Variants in BIRC6 observed in about 807,000 individuals in gnomAD.
The protein encoded by BIRC6 is baculoviral IAP repeat containing 6.
BIRC6 carries 98 observed loss-of-function variants against 503.3 expected under a neutral mutation model. The observed-to-expected ratio is 0.19, with a 90% CI of 0.17 to 0.23. BIRC6 has a LOEUF of 0.23. Ranked by LOEUF, BIRC6 falls within the 10% of genes least tolerant of loss-of-function variation. The pLI, the probability that BIRC6 is intolerant of heterozygous loss-of-function variation, is 1.00. For synonymous variants in BIRC6, 2,240 were observed against 2,078.7 expected, an observed-to-expected ratio of 1.08 and a Z score of -2.11; for missense variants, 5,360 against 5,806.0, an observed-to-expected ratio of 0.92 and a Z score of 2.50.
chr2:32,492,007 T>A (rs907563560), intron 44 of BIRC6, among the ~76,000 whole-genome samples: 1 of 152,182 alleles, frequency 6.6e-6, no homozygotes, highest in Non-Finnish European at 1.5e-5. Context: ...ATTTTCTGTT[T>A]CACTGTAAAT....
intron 43 of BIRC6, among the ~76,000 whole-genome samples, chr2:32,490,470 G>A (rs2051557974): frequency 6.6e-6 from 1 of 152,166 alleles, no homozygotes; most frequent in African/African-American, 2.4e-5. Flanking sequence ...GGAAGGCGAA[G>A]TTTGCAGTGA....
chr2:32,576,337 G>A (rs2060262552), intron 66 of BIRC6, among the ~76,000 whole-genome samples: 1 of 152,196 alleles, frequency 6.6e-6, no homozygotes, highest in Admixed American at 6.5e-5. Flanking sequence ...CAGAGGATGA[G>A]TTCTGTCAAA....
chr2:32,492,287 G>A (rs1211976573), intron 44 of BIRC6, among the ~76,000 whole-genome samples: 1 of 151,930 alleles, frequency 6.6e-6, no homozygotes, highest in African/African-American at 2.4e-5. Flanking sequence ...GCTTGTTCTA[G>A]GTACTAGACA....
chr2:32,599,612 TG>T, intron 69 of BIRC6, 126 bp from the exon 70 acceptor site: 2 of 913,594 alleles, frequency 2.2e-6, no homozygotes. Flanking sequence ...CACTCCAGCC[TG>T]GGCGACAGAG....
Position 32,415,353 on chromosome 2 carries a change from A to T in BIRC6, c.2062A>T (p.Ile688Phe). Residue 688 changes from isoleucine (I) to phenylalanine (F), a missense_variant, in exon 10 of 74, where the codon ATT becomes TTT. Physicochemically the swap from Ile to Phe is conservative, Grantham distance 21 (BLOSUM62 0). Transcript: ENST00000421745. ...ATTGCAGGATCCTCCTGTGACTTAC[A>T]TTCAGCAATTTGCAGATGCAGCAGC... is the stretch of plus-strand genomic sequence containing the variant. ...LLLQDPPVTY[I>F]QQFADAAANL... 6.2e-7 allele frequency: 1 copy of T among 1,614,036 alleles called. No individual in the cohort carries two copies. The highest frequency in any genetic ancestry group is 1.1e-5 in the South Asian group (1 of 91,090).
chr2:32,507,874 C>A, intron 50 of BIRC6, 106 bp from the exon 51 acceptor site: 4 of 1,041,666 alleles, frequency 3.8e-6, no homozygotes, highest in Non-Finnish European at 5.3e-6. Context: ...TTTACAAGTT[C>A]ATGATGAATA....
intron 65 of BIRC6, chr2:32,557,471 C>T (rs572650180): frequency 6.6e-6 from 1 of 152,106 alleles, no homozygotes; most frequent in African/African-American, 2.4e-5. Context: ...TGTCCATATT[C>T]ATTGCTTTGT....
Position 32,357,546 on chromosome 2 carries a change from G to T in BIRC6, c.325+60G>T, listed in dbSNP as rs942235405. ...GGGGAAAGAAGCCGTCCAGCCCCGGGGCTCGGCCTCGCGACTCGGGGAAGC... is the reference window on the plus strand; with the variant it reads ...GGGGAAAGAAGCCGTCCAGCCCCGGTGCTCGGCCTCGCGACTCGGGGAAGC... On this transcript the variant is annotated intron_variant, in intron 1 of 73. Transcript: ENST00000421745. The surrounding 1 kb of genome is among the most constrained non-coding windows in gnomAD (Gnocchi z 4.9). 2.2e-5 allele frequency: 33 copies of T among 1,509,630 alleles called. No individual in the cohort carries two copies. Among genetic ancestry groups the T allele is most frequent in the Non-Finnish European group, 2.6e-5 (30 of 1,132,390 alleles). 93.5% of individuals were successfully genotyped at this position (1,509,630 alleles called of 1,614,324 possible).
intron 23 of BIRC6, among the ~76,000 whole-genome samples, chr2:32,461,898 C>A (rs974693526): frequency 4.0e-5 from 6 of 151,808 alleles, no homozygotes; most frequent in African/African-American, 1.5e-4. Context: ...TTTTTTCTTG[C>A]CGAGATTAAA....
At chr2:32,540,447 G>A (rs1029058323) in intron 61 of BIRC6, among the ~76,000 whole-genome samples, 2 of 151,956 alleles carry the variant, frequency 1.3e-5, no homozygotes, top group African/African-American at 4.8e-5. Context: ...GTCCTTATTA[G>A]AGTCTTTTCT....
intron 68 of BIRC6, among the ~76,000 whole-genome samples, chr2:32,597,051 A>T (rs553979745): frequency 2.4e-4 from 37 of 152,330 alleles, no homozygotes; most frequent in African/African-American, 8.9e-4. Context: ...TGGCTTTCAA[A>T]ATAAGTCTGA....
chr2:32,419,531 A>G (rs1303933964), intron 10 of BIRC6, among the ~76,000 whole-genome samples: 1 of 152,200 alleles, frequency 6.6e-6, no homozygotes, highest in South Asian at 2.1e-4. Context: ...TGGTGCAAAT[A>G]CATTTAAAAT....
intron 57 of BIRC6, among the ~76,000 whole-genome samples, chr2:32,521,499 T>A (rs999100227): frequency 4.6e-5 from 7 of 151,042 alleles, no homozygotes; most frequent in African/African-American, 1.7e-4. Flanking sequence ...TGAGACGGAG[T>A]CTCACTCTGT....
At chr2:32,411,125 G>C (rs933820540) in intron 9 of BIRC6, among the ~76,000 whole-genome samples, 15 of 151,836 alleles carry the variant, frequency 9.9e-5, no homozygotes, top group Non-Finnish European at 2.1e-4. Flanking sequence ...TGCAACCTCT[G>C]CCTCCCGGGT....
Position 32,618,251 on chromosome 2 carries a change from G to A in BIRC6, c.*347G>A, listed in dbSNP as rs532009161. ...TTATTTTTTTTTTACTATAGAGTGA[G>A]GGGTTGTTAACAAAGAATATATATT... On this transcript the variant is annotated 3_prime_UTR_variant, in exon 74 of 74. Coordinates refer to ENST00000421745, the MANE Select transcript of BIRC6 (RefSeq NM_016252.4). The A allele has an allele frequency of 9.4e-5, 15 of 160,340 alleles. No individual in the cohort carries two copies. In the South Asian group the frequency reaches 2.9e-3, roughly 31 times the overall value. The allele number at this position is 160,340 out of a possible 1,614,324, so 9.9% of individuals were successfully genotyped here. A position where few individuals can be genotyped will look rare whatever the true frequency, so the allele number is the denominator to read the frequency against.
chr2:32,453,558 A>C (rs980765535), intron 22 of BIRC6, among the ~76,000 whole-genome samples: 2 of 152,178 alleles, frequency 1.3e-5, no homozygotes, highest in African/African-American at 4.8e-5. Context: ...ACAGGAAACT[A>C]CCACTCATGT....
intron 24 of BIRC6, 104 bp from the exon 25 acceptor site, chr2:32,464,405 C>G (rs2048313072): frequency 7.8e-7 from 1 of 1,279,142 alleles, no homozygotes; most frequent in Admixed American, 2.9e-5. Context: ...TAAGTATGAT[C>G]AATTTAATCA....
At chr2:32,364,458 G>C (rs1241095146) in intron 1 of BIRC6, among the ~76,000 whole-genome samples, 1 of 152,104 alleles carries the variant, frequency 6.6e-6, no homozygotes, top group Non-Finnish European at 1.5e-5. Flanking sequence ...GGTCAGGCTG[G>C]TCTGGAATTC....
At chr2:32,399,557 C>CT (rs2040373542) in intron 6 of BIRC6, among the ~76,000 whole-genome samples, 1 of 152,088 alleles carries the variant, frequency 6.6e-6, no homozygotes, top group Admixed American at 6.6e-5. Flanking sequence ...ACGCCTGGCT[C>CT]ATGGGTTCTT....
Sources: allele counts gnomAD v4.1 joint callset (sites outside exome capture counted in the v4.1 genomes callset), GRCh38; gene constraint gnomAD v4.1.1; non-coding constraint Gnocchi (gnomAD v3.1); transcripts MANE v1.5; gene names NCBI Gene and HGNC (gene_info 2026-07-23, HGNC 2026-07-21).